COL6A3: variants seen among roughly 807,000 people sequenced by gnomAD.
COL6A3 encodes the protein collagen type VI alpha 3 chain.
A neutral mutation model predicts 274.1 loss-of-function variants in COL6A3; 137 were observed. The observed-to-expected ratio is 0.50, with a 90% CI of 0.44 to 0.58. The LOEUF (loss-of-function observed/expected upper bound fraction) is 0.58. COL6A3 is among the 20% of genes least tolerant of loss of function. The pLI, the probability that COL6A3 is intolerant of heterozygous loss-of-function variation, is 0.00. For synonymous variants in COL6A3, 1,650 were observed against 1,650.6 expected, an observed-to-expected ratio of 1.00 and a Z score of 0.01; for missense variants, 3,950 against 4,124.9, an observed-to-expected ratio of 0.96 and a Z score of 1.16.
chr2:237,363,088 T>C (rs1195950125), intron 14 of COL6A3, among the ~76,000 whole-genome samples, 165 bp downstream of exon 14: 3 of 152,072 alleles, frequency 2.0e-5, no homozygotes, highest in Admixed American at 1.3e-4. Flanking sequence ...TTCACATGTG[T>C]TATGGCAACA....
chr2:237,381,315 G>A lies in COL6A3; in HGVS notation c.1497C>T (p.Phe499=). ...CTTCCCTTTTTGTTGGATGGGTATT[G>A]AAATAAAATTCAGGCCTCACAGTGT... ...YADTVRPEFY[F]NTHPTKREVI... is the part of the protein sequence containing the mutation. The change falls in exon 5 of 44, where the codon TTC becomes TTT. Residue 499 remains phenylalanine, a synonymous_variant. Transcript: ENST00000295550. 6.2e-7 allele frequency: 1 copy of A among 1,614,252 alleles called. No individual in the cohort carries two copies. Among genetic ancestry groups the A allele is most frequent in the South Asian group, 1.1e-5 (1 of 91,086 alleles).
chr2:237,400,169 T>TA (rs1212152669), intron 1 of COL6A3, among the ~76,000 whole-genome samples: 1 of 152,208 alleles, frequency 6.6e-6, no homozygotes, highest in Non-Finnish European at 1.5e-5. Flanking sequence ...GTTTGAAGGT[T>TA]AAAAAGAAGT....
At chr2:237,378,547 A>C in intron 6 of COL6A3, 89 bp downstream of exon 6, 1 of 1,586,522 alleles carries the variant, frequency 6.3e-7, no homozygotes, top group African/African-American at 1.3e-5. Flanking sequence ...TGTACAGTCC[A>C]CAGTGCTCTT....
rs2078192659 is a variant in COL6A3 at position 237,387,970 on chromosome 2, T to C, written c.924A>G (p.Ala308=). The change falls in exon 4 of 44, where the codon GCA becomes GCG. Residue 308 remains alanine, a synonymous_variant. Transcript: ENST00000295550. ...CACCAGCAAACCCGAGGGCTTTCAC[T>C]GCACCCAGAACCTGGGCCTTGGTGG... is the stretch of plus-strand genomic sequence containing the variant. The part of the protein sequence containing the change: ...TYSTKAQVLG[A]VKALGFAGGE... The C allele has an allele frequency of 6.2e-7, 1 of 1,614,208 alleles. No individual in the cohort carries two copies.
chr2:237,413,375 C>T lies in COL6A3; in HGVS notation c.-31+578G>A, dbSNP rs1559300455. Among the ~76,000 whole-genome samples the T allele has an allele frequency of 1.3e-5, 2 of 152,210 alleles. No homozygotes were observed. Among genetic ancestry groups the T allele is most frequent in the Non-Finnish European group, 1.5e-5 (1 of 68,042 alleles). On this transcript the variant is annotated intron_variant, in intron 1 of 43. Transcript: ENST00000295550. The surrounding 1 kb of genome is among the most constrained non-coding windows in gnomAD (Gnocchi z 4.0). ...CGAAAGCTTGACGGCAATGACTGAG[C>T]GACCCTTTACTTGGCCCTGATCCTG... is the stretch of plus-strand genomic sequence containing the variant.
intron 43 of COL6A3, 111 bp downstream of exon 43, chr2:237,325,449 C>T: frequency 1.6e-6 from 2 of 1,219,808 alleles, no homozygotes; most frequent in South Asian, 2.5e-5. Flanking sequence ...TACACTTTAT[C>T]TTCTTTTTCA....
Position 237,394,770 on chromosome 2 carries a change from C to T in COL6A3, c.526G>A (p.Gly176Arg), listed in dbSNP as rs778487068. Residue 176 changes from glycine (G) to arginine (R), a missense_variant, in exon 3 of 44, where the codon GGA (glycine) becomes AGA (arginine). Gly to Arg is a moderately radical substitution (Grantham distance 125, BLOSUM62 -2). Transcript: ENST00000295550. The part of the protein sequence containing the change: ...KSADVNVFAI[G>R]VEDADEGALK... Reference sequence around the variant, plus strand: ...GCTCCTTCATCTGCATCCTCAACTCCAATTGCAAACACGTTAACATCAGCA... The same window carrying T: ...GCTCCTTCATCTGCATCCTCAACTCTAATTGCAAACACGTTAACATCAGCA... The T allele has an allele frequency of 6.2e-7, 1 of 1,614,180 alleles. No individual in the cohort carries two copies. Among genetic ancestry groups the T allele is most frequent in the South Asian group, 1.1e-5 (1 of 91,086 alleles).
At chr2:237,357,040 T>A in intron 23 of COL6A3, 1 of 487,288 alleles carries the variant, frequency 2.1e-6, no homozygotes, top group Non-Finnish European at 3.7e-6. Context: ...TCCATTTGGG[T>A]CTCTTAAATA....
At position 237,368,377 on chromosome 2, in the gene COL6A3, A is replaced by C. The variant is rs767903323; in HGVS notation, c.4900+186T>G. Among the ~76,000 whole-genome samples, 8 of 152,228 alleles carry C rather than the reference A, an allele frequency of 5.3e-5. No individual in the cohort carries two copies. Among genetic ancestry groups the C allele is most frequent in the Non-Finnish European group, 8.8e-5 (6 of 68,038 alleles). ...CTATGATTAGTCTCAGGAGTGATGG[A>C]AGATCAATAATATGCTTCCTTCTGC... On this transcript the variant is annotated intron_variant, in intron 10 of 43. Transcript: ENST00000295550. This position sits in a 1 kb window ranked among gnomAD's most constrained non-coding sequence, Gnocchi z 4.4.
intron 9 of COL6A3, among the ~76,000 whole-genome samples, chr2:237,369,983 T>C (rs2077647098): frequency 6.6e-6 from 1 of 151,674 alleles, no homozygotes; most frequent in African/African-American, 2.4e-5. Flanking sequence ...ACTACAGACA[T>C]GAACCACCAT....
chr2:237,344,807 G>C lies in COL6A3; in HGVS notation c.7211C>G (p.Ala2404Gly). 1.2e-6 allele frequency: 2 copies of C among 1,611,984 alleles called. No homozygotes were observed. The highest frequency in any genetic ancestry group is 1.7e-6 in the Non-Finnish European group (2 of 1,179,766). ...LECPVFPTELAFALDTSEGVN... is the reference protein window; with the variant it reads ...LECPVFPTELGFALDTSEGVN... ...TCCCTCAGAGGTGTCTAAAGCAAAG[G>C]CTAGTTCTGTTGGGAAGACGGGGCA... is the stretch of plus-strand genomic sequence containing the variant. Residue 2404 changes from alanine to glycine, a missense_variant, in exon 36 of 44, where the codon GCC becomes GGC. Ala to Gly is a moderately conservative substitution (Grantham distance 60, BLOSUM62 0). This residue lies in a region of COL6A3 where 1,284 missense variants were observed against 1,349.7 expected (regional missense o/e 0.95). Transcript: ENST00000295550. This position sits in a 1 kb window ranked among gnomAD's most constrained non-coding sequence, Gnocchi z 4.8.
chr2:237,359,049 T>A lies in COL6A3; in HGVS notation c.6394A>T (p.Asn2132Tyr), dbSNP rs750889657. 1.1e-5 allele frequency: 17 copies of A among 1,614,030 alleles called. No homozygotes were observed. Among genetic ancestry groups the A allele is most frequent in the Non-Finnish European group, 1.4e-5 (16 of 1,179,976 alleles). ...GLPGSSGEKG[N>Y]PGRRGDKGPR... ...AATACACCTACCCTTCTTCCAGGATTCCCTTTCTCTCCAGAAGAACCAGGC... is the reference window on the plus strand; with the variant it reads ...AATACACCTACCCTTCTTCCAGGATACCCTTTCTCTCCAGAAGAACCAGGC... Residue 2132 changes from asparagine to tyrosine, a missense_variant, in exon 20 of 44, where the codon AAT (asparagine) becomes TAT (tyrosine). Physicochemically the swap from Asn to Tyr is moderately radical, Grantham distance 143 (BLOSUM62 -2). This residue lies in a region of COL6A3 where 92 missense variants were observed against 143.4 expected (regional missense o/e 0.64). Transcript: ENST00000295550.
rs762634998 is a variant in COL6A3 at position 237,377,238 on chromosome 2, C to T, written c.2604G>A (p.Val868=). The change falls in exon 7 of 44, where the codon GTG becomes GTA. Residue 868 remains valine, a synonymous_variant. Coordinates refer to ENST00000295550, the MANE Select transcript of COL6A3 (RefSeq NM_004369.4). ...CCGCAATTCGGGTCCCCTCTGGCTT[C>T]ACATTGAGCTCATCGATAATCTTGT... ...FLYKIIDELN[V]KPEGTRIAVA... The T allele has an allele frequency of 1.9e-6, 3 of 1,612,490 alleles. No individual in the cohort carries two copies. In the Admixed American group the frequency reaches 5.0e-5, roughly 27 times the overall value.
chr2:237,361,298 A>G lies in COL6A3; in HGVS notation c.6157-124T>C. ...AAAACTCAGCATGGCTTTCCCTGTT[A>G]CTGCTTTTCCCCTCAGTACACCATG... On this transcript the variant is annotated intron_variant, in intron 15 of 43. Transcript: ENST00000295550. This position sits in a 1 kb window ranked among gnomAD's most constrained non-coding sequence, Gnocchi z 5.1. The G allele has an allele frequency of 1.2e-6, 1 of 833,566 alleles. No homozygotes were observed. The highest frequency in any genetic ancestry group is 2.0e-6 in the Non-Finnish European group (1 of 490,354). 51.6% of individuals were successfully genotyped at this position (833,566 alleles called of 1,614,324 possible).
Position 237,344,807 on chromosome 2 carries a change from G to A in COL6A3, c.7211C>T (p.Ala2404Val), listed in dbSNP as rs374451456. 3 of 1,611,984 alleles carry A rather than the reference G, an allele frequency of 1.9e-6. No homozygotes were observed. Among genetic ancestry groups the A allele is most frequent in the Non-Finnish European group, 2.5e-6 (3 of 1,179,766 alleles). Reference sequence around the variant, plus strand: ...TCCCTCAGAGGTGTCTAAAGCAAAGGCTAGTTCTGTTGGGAAGACGGGGCA... The same window carrying A: ...TCCCTCAGAGGTGTCTAAAGCAAAGACTAGTTCTGTTGGGAAGACGGGGCA... ...LECPVFPTEL[A>V]FALDTSEGVN... The change falls in exon 36 of 44, where the codon GCC becomes GTC. Residue 2404 changes from alanine (A) to valine (V), a missense_variant. Coordinates refer to ENST00000295550, the MANE Select transcript of COL6A3 (RefSeq NM_004369.4). This position sits in a 1 kb window ranked among gnomAD's most constrained non-coding sequence, Gnocchi z 4.8.
At chr2:237,394,484 C>G (rs2078375111) in intron 3 of COL6A3, 103 bp downstream of exon 3, 3 of 1,483,038 alleles carry the variant, frequency 2.0e-6, no homozygotes, top group Non-Finnish European at 2.8e-6. Context: ...CATCTCTTCC[C>G]TGGCCCACCC....
At chr2:237,354,489 G>A (rs752509681) in intron 24 of COL6A3, among the ~76,000 whole-genome samples, 1 of 152,144 alleles carries the variant, frequency 6.6e-6, no homozygotes, top group Non-Finnish European at 1.5e-5. Flanking sequence ...AGGCATAGGT[G>A]ACTGTTCTGG....
intron 23 of COL6A3, 190 bp from the exon 24 acceptor site, chr2:237,355,124 CT>C: frequency 1.8e-6 from 1 of 553,108 alleles, no homozygotes. Context: ...CACAGACACC[CT>C]TCCTCCACCC....
chr2:237,368,266 G>C lies in COL6A3; in HGVS notation c.4900+297C>G, dbSNP rs2077600570. 6.6e-6 allele frequency among the ~76,000 whole-genome samples: 1 copy of C among 152,190 alleles called. No individual in the cohort carries two copies. Among genetic ancestry groups the C allele is most frequent in the Non-Finnish European group, 1.5e-5 (1 of 68,034 alleles). On this transcript the variant is annotated intron_variant, in intron 10 of 43. Transcript: ENST00000295550. The surrounding 1 kb of genome is among the most constrained non-coding windows in gnomAD (Gnocchi z 4.4). Reference sequence around the variant, plus strand: ...AGTCACATTCAGTGGGGCATGGACTGGCTGATTTCAAAGATGCCATCCTAT... The same window carrying C: ...AGTCACATTCAGTGGGGCATGGACTCGCTGATTTCAAAGATGCCATCCTAT...
Sources: gnomAD v4.1 joint callset for allele counts (sites outside exome capture counted in the v4.1 genomes callset) on GRCh38, gnomAD v4.1.1 for gene constraint, gnomAD v4.1.1 regional missense constraint, Gnocchi (gnomAD v3.1) non-coding constraint, MANE v1.5 for transcripts, NCBI Gene and HGNC (gene_info 2026-07-23, HGNC 2026-07-21) for gene names.